Variants in ABTB2 observed in about 807,000 individuals in gnomAD.
ABTB2 encodes the protein ankyrin repeat and BTB/POZ domain-containing protein 2.
Under a neutral mutation model 104.1 loss-of-function variants are expected in ABTB2, and 56 were observed. The ratio of observed to expected loss-of-function variants is 0.54; its 90% CI spans 0.43 to 0.67. ABTB2 has a LOEUF of 0.67. ABTB2 is among the 30% of genes least tolerant of loss of function. ABTB2 has a pLI of 0.00. For synonymous variants in ABTB2, 606 were observed against 608.2 expected, an observed-to-expected ratio of 1.00 and a Z score of 0.05; for missense variants, 1,279 against 1,407.7, an observed-to-expected ratio of 0.91 and a Z score of 1.46.
chr11:34,263,252 C>T (rs567606383), intron 1 of ABTB2, among the ~76,000 whole-genome samples: 21 of 152,062 alleles, frequency 1.4e-4, no homozygotes, highest in East Asian at 1.9e-4. Context: ...TGTGTGCATG[C>T]GCTTGCATGA....
intron 12 of ABTB2, 95 bp from the exon 13 acceptor site, chr11:34,160,103 T>G (rs1268393806): frequency 7.8e-7 from 1 of 1,278,888 alleles, no homozygotes; most frequent in Non-Finnish European, 1.1e-6. Context: ...GGGTTGGGGG[T>G]GGGACACAGA....
At chr11:34,164,005 GA>G (rs1405611359) in intron 9 of ABTB2, among the ~76,000 whole-genome samples, 8 of 152,150 alleles carry the variant, frequency 5.3e-5, no homozygotes, top group Non-Finnish European at 1.2e-4. Context: ...CAGCTGGAGA[GA>G]AAAGCATTCT....
intron 13 of ABTB2, 95 bp downstream of exon 13, chr11:34,159,811 G>T: frequency 1.0e-6 from 1 of 985,056 alleles, no homozygotes; most frequent in Non-Finnish European, 1.6e-6. Flanking sequence ...AGGCTGCAGG[G>T]TACAGCCCCA....
chr11:34,323,147 T>C (rs1855026558), intron 1 of ABTB2, among the ~76,000 whole-genome samples: 1 of 152,218 alleles, frequency 6.6e-6, no homozygotes, highest in South Asian at 2.1e-4. Flanking sequence ...CCTCAAGTGA[T>C]CCGCCTGCCT....
intron 1 of ABTB2, among the ~76,000 whole-genome samples, chr11:34,295,289 GC>G (rs1854608818): frequency 6.6e-6 from 1 of 152,164 alleles, no homozygotes; most frequent in African/African-American, 2.4e-5. Context: ...TCTTACACAG[GC>G]TAGAGGTCGT....
At chr11:34,241,268 C>A (rs1033455764) in intron 1 of ABTB2, among the ~76,000 whole-genome samples, 1 of 152,166 alleles carries the variant, frequency 6.6e-6, no homozygotes, top group Non-Finnish European at 1.5e-5. Context: ...AATATCACTG[C>A]TCCCAAGGCC....
chr11:34,253,654 C>A (rs1041535254), intron 1 of ABTB2, among the ~76,000 whole-genome samples: 19 of 147,094 alleles, frequency 1.3e-4, no homozygotes, highest in Admixed American at 4.1e-4. Flanking sequence ...CCAGTCTGCG[C>A]AATAGAGCGA....
chr11:34,211,902 C>CAAAAAAAAAAAAA (rs1231324201), intron 1 of ABTB2, among the ~76,000 whole-genome samples: 1 of 58,034 alleles, frequency 1.7e-5, no homozygotes, highest in Non-Finnish European at 3.5e-5. Flanking sequence ...GACCCTGTCT[C>CAAAAAAAAAAAAA]AAAAAAAAAA....
chr11:34,161,159 C>G, intron 10 of ABTB2, 78 bp from the exon 11 acceptor site: 1 of 1,409,546 alleles, frequency 7.1e-7, no homozygotes, highest in Non-Finnish European at 9.4e-7. Context: ...CTTTTCTGGG[C>G]AGACTCTCTC....
intron 1 of ABTB2, among the ~76,000 whole-genome samples, chr11:34,223,203 A>T (rs1204319324): frequency 6.6e-6 from 1 of 152,126 alleles, no homozygotes; most frequent in Non-Finnish European, 1.5e-5. Context: ...GACCGAGTGG[A>T]AACAGTGAAT....
chr11:34,207,670 C>T (rs951723420), intron 1 of ABTB2, among the ~76,000 whole-genome samples: 10 of 152,210 alleles, frequency 6.6e-5, no homozygotes, highest in Non-Finnish European at 7.3e-5. Context: ...CATCTTACAG[C>T]TGAGAAAACT....
chr11:34,301,292 T>C (rs1854702908), intron 1 of ABTB2, among the ~76,000 whole-genome samples: 1 of 152,176 alleles, frequency 6.6e-6, no homozygotes, highest in Admixed American at 6.5e-5. Context: ...AAGAACATCA[T>C]CTTGCCATTA....
At position 34,159,485 on chromosome 11, in the gene ABTB2, G is replaced by A. The variant is rs1298458584; in HGVS notation, c.2607-99C>T. The A allele has an allele frequency of 2.1e-5, 17 of 790,900 alleles. No individual in the cohort carries two copies. The East Asian group carries it at 3.5e-4, about 16-fold the overall frequency. 49.0% of individuals were successfully genotyped at this position (790,900 alleles called of 1,614,324 possible). ...GTCACCTGACCGGCTACCACAAGAC[G>A]GAACATTTTAAAAATTACTGCTGTG... is the stretch of plus-strand genomic sequence containing the variant. On this transcript the variant is annotated intron_variant, in intron 13 of 16. Transcript: ENST00000435224.
rs116795487 is a variant in ABTB2 at position 34,296,285 on chromosome 11, C to A, written c.883+60416G>T. Among the ~76,000 whole-genome samples the A allele has an allele frequency of 5.1e-3, 778 of 151,832 alleles. 10 individuals are homozygous for A. Among genetic ancestry groups the A allele is most frequent in the African/African-American group, 0.018 (742 of 41,352 alleles). ...AGAAAGGGTGAAAGAGGATGAAAGG[C>A]AAGGCAGTGTGATGGGGCATAAAAT... On this transcript the variant is annotated intron_variant, in intron 1 of 16. Coordinates refer to ENST00000435224, the MANE Select transcript of ABTB2 (RefSeq NM_145804.3).
chr11:34,300,935 T>G (rs1176062162), intron 1 of ABTB2, among the ~76,000 whole-genome samples: 1 of 152,150 alleles, frequency 6.6e-6, no homozygotes, highest in African/African-American at 2.4e-5. Context: ...CCCAATTTAC[T>G]GGGGGGCTGG....
chr11:34,220,707 T>C (rs897537217), intron 1 of ABTB2, among the ~76,000 whole-genome samples: 7 of 152,196 alleles, frequency 4.6e-5, no homozygotes, highest in African/African-American at 1.7e-4. Context: ...CTGAACCTCT[T>C]GTTGCAAAAA....
intron 2 of ABTB2, among the ~76,000 whole-genome samples, chr11:34,198,970 T>C (rs1401902140): frequency 6.6e-6 from 1 of 152,186 alleles, no homozygotes; most frequent in Non-Finnish European, 1.5e-5. Flanking sequence ...TGAAGTGCCA[T>C]GAAATGCATG....
intron 8 of ABTB2, 42 bp downstream of exon 8, chr11:34,165,218 G>A: frequency 6.6e-7 from 1 of 1,510,112 alleles, no homozygotes; most frequent in South Asian, 1.3e-5. Flanking sequence ...GGGGGGCACT[G>A]CAGGGAAGGG....
At chr11:34,297,787 A>ACC (rs1251264702) in intron 1 of ABTB2, among the ~76,000 whole-genome samples, 1 of 97,524 alleles carries the variant, frequency 1.0e-5, no homozygotes, top group Non-Finnish European at 2.0e-5. Context: ...AAAAAAAATA[A>ACC]AAATAAAGGA....
Sources: gnomAD v4.1 joint callset for allele counts (sites outside exome capture counted in the v4.1 genomes callset) on GRCh38, gnomAD v4.1.1 for gene constraint, MANE v1.5 for transcripts, NCBI Gene and HGNC (gene_info 2026-07-23, HGNC 2026-07-21) for gene names.